Variants in RAP1A observed in about 807,000 individuals in gnomAD.
RAP1A encodes ras-related protein Rap-1A.
Under a neutral mutation model 26.4 loss-of-function variants are expected in RAP1A, and 6 were observed. The ratio of observed to expected loss-of-function variants is 0.23; its 90% CI spans 0.12 to 0.45. The LOEUF is 0.45. Ranked by LOEUF, RAP1A falls within the 20% of genes least tolerant of loss-of-function variation. RAP1A has a pLI of 0.99. For missense variants in RAP1A, 121 were observed against 217.2 expected (o/e 0.56, Z 2.78); for synonymous variants, 73 against 79.4 (o/e 0.92, Z 0.43).
chr1:111,606,569 C>T (rs973934801), intron 1 of RAP1A, among the ~76,000 whole-genome samples: 2 of 152,192 alleles, frequency 1.3e-5, no homozygotes, highest in African/African-American at 2.4e-5. Flanking sequence ...TGGCACTGAG[C>T]CAAGAGTGTG....
chr1:111,631,758 C>A (rs1274890296), intron 1 of RAP1A, among the ~76,000 whole-genome samples: 1 of 152,122 alleles, frequency 6.6e-6, no homozygotes, highest in African/African-American at 2.4e-5. Context: ...TAGAAAATTT[C>A]TTCAGAAATA....
chr1:111,631,781 C>T (rs1659574062), intron 1 of RAP1A, among the ~76,000 whole-genome samples: 2 of 151,970 alleles, frequency 1.3e-5, no homozygotes, highest in Admixed American at 6.6e-5. Context: ...GTGACTTAAC[C>T]TGTCTTTTTT....
At chr1:111,645,757 A>G (rs145987254) in intron 1 of RAP1A, among the ~76,000 whole-genome samples, 2 of 152,328 alleles carry the variant, frequency 1.3e-5, no homozygotes, top group East Asian at 3.9e-4. Flanking sequence ...ACACTTGCCA[A>G]GGATTACAGA....
exon 1 of RAP1A, chr1:111,542,242 C>T: frequency 3.3e-6 from 2 of 609,842 alleles, no homozygotes; most frequent in Admixed American, 3.8e-5. Context: ...GACGGAAACA[C>T]TGGCGGCACA....
In RAP1A at chr1:111,715,275, A is replaced by C. The variant is rs894230837; in HGVS notation, c.*2874A>C. 6.6e-6 allele frequency: 1 copy of C among 150,814 alleles called. No homozygotes were observed. The allele number at this position is 150,814 out of a possible 1,614,324, so 9.3% of individuals were successfully genotyped here. A position where few individuals can be genotyped will look rare whatever the true frequency, so the allele number is the denominator to read the frequency against. On this transcript the variant is annotated 3_prime_UTR_variant, in exon 8 of 8. Transcript: ENST00000369709. The stretch of plus-strand genomic sequence containing the variant: ...GTATTTTTAGTAGAGACGGGGTTTC[A>C]TCATGTTGGCGAGGCTGGTCTTGAA...
chr1:111,624,092 A>G (rs1352715215), intron 1 of RAP1A, among the ~76,000 whole-genome samples: 1 of 152,212 alleles, frequency 6.6e-6, no homozygotes, highest in Non-Finnish European at 1.5e-5. Flanking sequence ...CTCGTTTATA[A>G]TGTCCCTTTT....
At chr1:111,702,593 G>GT (rs1402712911) in intron 4 of RAP1A, among the ~76,000 whole-genome samples, 1 of 150,382 alleles carries the variant, frequency 6.6e-6, no homozygotes, top group African/African-American at 2.5e-5. Flanking sequence ...CCGAGACAGA[G>GT]TTTCACTCTT....
At chr1:111,617,635 C>T (rs938697159), upstream of RAP1A, among the ~76,000 whole-genome samples, 15 of 151,770 alleles carry the variant, frequency 9.9e-5, no homozygotes, top group East Asian at 1.8e-3. Flanking sequence ...GGGGTTTCAC[C>T]GTGTTAGCCA....
intron 1 of RAP1A, among the ~76,000 whole-genome samples, chr1:111,564,166 T>C (rs1269714102): frequency 6.6e-6 from 1 of 152,206 alleles, no homozygotes; most frequent in East Asian, 1.9e-4. Flanking sequence ...ATCTGGTCAT[T>C]GTGTGGCTTT....
intron 7 of RAP1A, among the ~76,000 whole-genome samples, chr1:111,710,436 C>G (rs1662341427): frequency 6.6e-6 from 1 of 152,154 alleles, no homozygotes; most frequent in South Asian, 2.1e-4. Context: ...TTAATCAGTT[C>G]TATAAATAAT....
intron 1 of RAP1A, among the ~76,000 whole-genome samples, chr1:111,578,923 C>T (rs932321854): frequency 2.6e-5 from 4 of 152,224 alleles, no homozygotes; most frequent in South Asian, 4.1e-4. Context: ...TCATGGAATT[C>T]AGGGAAACAT....
intron 1 of RAP1A, among the ~76,000 whole-genome samples, chr1:111,627,949 C>T (rs1253568399): frequency 6.6e-6 from 1 of 151,414 alleles, no homozygotes; most frequent in African/African-American, 2.4e-5. Flanking sequence ...AAAAAAAAAT[C>T]TGTGAATGTT....
chr1:111,662,228 T>C (rs2101159611), intron 1 of RAP1A, among the ~76,000 whole-genome samples: 1 of 151,624 alleles, frequency 6.6e-6, no homozygotes, highest in South Asian at 2.1e-4. Flanking sequence ...ACCCCGTCTC[T>C]ACTAAAAATA....
chr1:111,680,436 T>C (rs1661255777), intron 1 of RAP1A, among the ~76,000 whole-genome samples: 1 of 152,146 alleles, frequency 6.6e-6, no homozygotes. Context: ...TGATTGGTGC[T>C]TTTTTCAGAG....
rs1425222829 is a variant in RAP1A at position 111,654,356 on chromosome 1, A to C, written c.-28+34422A>C. On this transcript the variant is annotated intron_variant, in intron 1 of 7. Coordinates refer to ENST00000369709, the MANE Select transcript of RAP1A (RefSeq NM_002884.4). ...TTCACACTTTCATGTATACTGTTTT[A>C]TTTAATCCTTCCATCACACCTGAGT... Among the ~76,000 whole-genome samples, 2 of 152,104 alleles carry C rather than the reference A, an allele frequency of 1.3e-5. 1 individual carries two copies. Among genetic ancestry groups the C allele is most frequent in the East Asian group, 3.9e-4 (2 of 5,192 alleles).
chr1:111,636,405 T>C (rs1659730583), intron 1 of RAP1A, among the ~76,000 whole-genome samples: 1 of 152,146 alleles, frequency 6.6e-6, no homozygotes, highest in African/African-American at 2.4e-5. Flanking sequence ...TTATTTCTTT[T>C]CTGTTCTTCA....
At chr1:111,707,259 G>A (rs572178956) in intron 6 of RAP1A, among the ~76,000 whole-genome samples, 5 of 151,988 alleles carry the variant, frequency 3.3e-5, no homozygotes, top group African/African-American at 9.6e-5. Flanking sequence ...TTGTAGTCTG[G>A]ACCATTTAAA....
At chr1:111,547,924 A>C (rs764010317) in intron 1 of RAP1A, among the ~76,000 whole-genome samples, 3 of 152,268 alleles carry the variant, frequency 2.0e-5, no homozygotes, top group Non-Finnish European at 2.9e-5. Context: ...AAAGTAAACA[A>C]GTAAATGCTT....
intron 1 of RAP1A, among the ~76,000 whole-genome samples, chr1:111,610,770 T>C (rs1364914312): frequency 6.6e-6 from 1 of 152,246 alleles, no homozygotes; most frequent in Non-Finnish European, 1.5e-5. Context: ...CACTGGTATA[T>C]AGTCGTTCTT....
Sources: allele counts gnomAD v4.1 joint callset (sites outside exome capture counted in the v4.1 genomes callset), GRCh38; gene constraint gnomAD v4.1.1; transcripts MANE v1.5; gene names NCBI Gene and HGNC (gene_info 2026-07-23, HGNC 2026-07-21).